The following SMCO4 variants were observed in gnomAD, a reference collection of about 807,000 sequenced individuals.
The protein encoded by SMCO4 is single-pass membrane protein with coiled-coil domains 4.
Under a neutral mutation model 3.6 loss-of-function variants are expected in SMCO4, and 4 were observed. The ratio of observed to expected loss-of-function variants is 1.11; its 90% CI spans 0.54 to 2.53. The LOEUF is 2.53. SMCO4 is among the 30% of genes most tolerant of loss of function. SMCO4 has a pLI of 0.02. For missense variants in SMCO4, 70 were observed against 80.8 expected (o/e 0.87, Z 0.51); for synonymous variants, 36 against 35.3 (o/e 1.02, Z -0.07).
chr11:93,546,345 C>T (rs1407522258), upstream of SMCO4, among the ~76,000 whole-genome samples: 1 of 152,164 alleles, frequency 6.6e-6, no homozygotes, highest in African/African-American at 2.4e-5. Flanking sequence ...GTCAACATAA[C>T]AATGGGCTGG....
Position 93,538,866 on chromosome 11 carries a change from A to G in SMCO4, c.-154+4410T>C, listed in dbSNP as rs937461911. 2.0e-5 allele frequency among the ~76,000 whole-genome samples: 3 copies of G among 152,030 alleles called. No homozygotes were observed. In the East Asian group the frequency reaches 5.8e-4, roughly 29 times the overall value. On this transcript the variant is annotated intron_variant, in intron 1 of 2. Coordinates refer to ENST00000298966, the MANE Select transcript of SMCO4 (RefSeq NM_020179.3). ...TTAATGAACTAGTTTCTCTACACCTAATTTCTACTTGCTTCACTTCAAAAC... is the reference window on the plus strand; with the variant it reads ...TTAATGAACTAGTTTCTCTACACCTGATTTCTACTTGCTTCACTTCAAAAC...
intron 1 of SMCO4, among the ~76,000 whole-genome samples, chr11:93,534,597 C>T (rs1949201485): frequency 6.6e-6 from 1 of 152,192 alleles, no homozygotes; most frequent in South Asian, 2.1e-4. Flanking sequence ...GCTCAAGGCA[C>T]ACACCCATAA....
intron 1 of SMCO4, among the ~76,000 whole-genome samples, chr11:93,524,582 A>C (rs1565386417): frequency 6.6e-6 from 1 of 152,112 alleles, no homozygotes; most frequent in Non-Finnish European, 1.5e-5. Flanking sequence ...CACTCCACAA[A>C]CACAAATGAC....
chr11:93,526,667 T>C (rs1949111523), intron 1 of SMCO4, among the ~76,000 whole-genome samples: 1 of 152,208 alleles, frequency 6.6e-6, no homozygotes, highest in Admixed American at 6.5e-5. Flanking sequence ...CGCACCATTG[T>C]ACACTCAAAA....
intron 1 of SMCO4, among the ~76,000 whole-genome samples, chr11:93,542,959 G>A (rs969444618): frequency 6.6e-6 from 1 of 151,458 alleles, no homozygotes; most frequent in Non-Finnish European, 1.5e-5. Context: ...CTTCCCGCCC[G>A]GCCCCGCGGG....
At chr11:93,527,716 C>A (rs1483943029) in intron 1 of SMCO4, among the ~76,000 whole-genome samples, 1 of 152,170 alleles carries the variant, frequency 6.6e-6, no homozygotes, top group African/African-American at 2.4e-5. Context: ...CTGCCTCAGT[C>A]TCCCAAAGGG....
At chr11:93,524,338 C>T (rs541282819) in intron 1 of SMCO4, among the ~76,000 whole-genome samples, 1 of 152,100 alleles carries the variant, frequency 6.6e-6, no homozygotes, top group Non-Finnish European at 1.5e-5. Context: ...ACTGTGTACA[C>T]GATCCCCAGG....
intron 1 of SMCO4, among the ~76,000 whole-genome samples, chr11:93,521,216 G>T (rs941652582): frequency 6.6e-6 from 1 of 152,180 alleles, no homozygotes; most frequent in African/African-American, 2.4e-5. Context: ...CCAAACCACA[G>T]ATTAGAGCTA....
chr11:93,516,944 A>G (rs1350398389), intron 1 of SMCO4, among the ~76,000 whole-genome samples: 3 of 152,288 alleles, frequency 2.0e-5, no homozygotes, highest in African/African-American at 7.2e-5. Context: ...TCCCTGCCTC[A>G]TAGCCCTCTG....
intron 1 of SMCO4, among the ~76,000 whole-genome samples, chr11:93,521,461 G>A (rs1949057992): frequency 6.6e-6 from 1 of 152,094 alleles, no homozygotes; most frequent in Non-Finnish European, 1.5e-5. Context: ...CCTGAGGTAG[G>A]TACCCTCATC....
intron 1 of SMCO4, among the ~76,000 whole-genome samples, chr11:93,530,293 T>G (rs1030925649): frequency 2.0e-5 from 3 of 152,168 alleles, no homozygotes; most frequent in Non-Finnish European, 4.4e-5. Context: ...GCACACAGTT[T>G]CCTAGCAATT....
chr11:93,553,453 T>C, the SMCO4 span, among the ~76,000 whole-genome samples: 5 of 152,222 alleles, frequency 3.3e-5, no homozygotes, highest in African/African-American at 1.2e-4. Flanking sequence ...CTTCCATTCA[T>C]GGTTGCTTAT....
intron 2 of SMCO4, among the ~76,000 whole-genome samples, 193 bp downstream of exon 2, chr11:93,499,083 A>G (rs921126453): frequency 6.6e-6 from 1 of 152,094 alleles, no homozygotes; most frequent in African/African-American, 2.4e-5. Flanking sequence ...AGGAGAAATC[A>G]CCCGCAGCCT....
chr11:93,497,658 G>T (rs11606262), intron 2 of SMCO4, among the ~76,000 whole-genome samples: 8 of 151,328 alleles, frequency 5.3e-5, no homozygotes, highest in Non-Finnish European at 1.5e-5. Flanking sequence ...CAGATGGTTG[G>T]GGGGAACTGA....
intron 2 of SMCO4, among the ~76,000 whole-genome samples, chr11:93,498,796 C>A (rs959259996): frequency 2.6e-5 from 4 of 152,142 alleles, no homozygotes; most frequent in African/African-American, 7.2e-5. Flanking sequence ...CAGGAGCAGG[C>A]CTCTTGTGGA....
chr11:93,483,909 A>G (rs1352189196), intron 2 of SMCO4, among the ~76,000 whole-genome samples: 1 of 152,162 alleles, frequency 6.6e-6, no homozygotes, highest in Non-Finnish European at 1.5e-5. Context: ...ATCATGGTTC[A>G]GCAGCCCCTT....
At chr11:93,535,468 G>A (rs539112873) in intron 1 of SMCO4, 547 of 1,392,778 alleles carry the variant, frequency 3.9e-4, no homozygotes, top group Non-Finnish European at 4.7e-4. Context: ...GAGTCGCCGC[G>A]ATGGTGTTGT....
intron 1 of SMCO4, among the ~76,000 whole-genome samples, chr11:93,503,378 C>G (rs1054631124): frequency 6.6e-6 from 1 of 152,096 alleles, no homozygotes; most frequent in African/African-American, 2.4e-5. Context: ...AAACTGCCCC[C>G]ATGATTCAAT....
intron 1 of SMCO4, among the ~76,000 whole-genome samples, chr11:93,533,018 A>C (rs1949178140): frequency 2.0e-5 from 3 of 152,222 alleles, no homozygotes; most frequent in Admixed American, 6.5e-5. Context: ...GATAAGCTTA[A>C]AGGCAGGCAG....
Sources: allele counts gnomAD v4.1 joint callset (sites outside exome capture counted in the v4.1 genomes callset), GRCh38; gene constraint gnomAD v4.1.1; transcripts MANE v1.5; gene names NCBI Gene and HGNC (gene_info 2026-07-23, HGNC 2026-07-21).